PAFAH1B2: variants seen among roughly 807,000 people sequenced by gnomAD.
The protein encoded by PAFAH1B2 is platelet activating factor acetylhydrolase 1b catalytic subunit 2.
A neutral mutation model predicts 28.0 loss-of-function variants in PAFAH1B2; 8 were observed. That is an observed-to-expected ratio of 0.29 (90% CI 0.17 to 0.52). PAFAH1B2 has a LOEUF of 0.52. Among genes scored for constraint, PAFAH1B2 ranks in the 20% least tolerant of loss-of-function variants. The pLI is 0.97. For missense variants in PAFAH1B2, 190 were observed against 282.6 expected (o/e 0.67, Z 2.35); for synonymous variants, 104 against 103.2 (o/e 1.01, Z -0.05).
At chr11:117,164,087 T>G (rs1591749264) in intron 5 of PAFAH1B2, 195 bp downstream of exon 5, 2 of 522,086 alleles carry the variant, frequency 3.8e-6, no homozygotes, top group East Asian at 6.7e-5. Context: ...TGGGGCCATC[T>G]TTTATCCACG....
At chr11:117,175,946 A>G (rs2029955788), downstream of PAFAH1B2, 1 of 1,533,644 alleles carries the variant, frequency 6.5e-7, no homozygotes, top group Non-Finnish European at 8.7e-7. Context: ...CATGAAAGAA[A>G]AGTCCAGATG....
chr11:117,156,674 T>C (rs1403005693), intron 2 of PAFAH1B2, among the ~76,000 whole-genome samples: 1 of 152,150 alleles, frequency 6.6e-6, no homozygotes, highest in Admixed American at 6.6e-5. Flanking sequence ...ACCTTTAGCA[T>C]AGCAGTCTTA....
At chr11:117,159,885 C>G (rs367653404) in intron 2 of PAFAH1B2, 49 bp from the exon 3 acceptor site, 2 of 1,377,802 alleles carry the variant, frequency 1.5e-6, no homozygotes, top group Non-Finnish European at 2.1e-6. Flanking sequence ...GCCACCACAC[C>G]CAGCCAGAAG....
At position 117,167,768 on chromosome 11, in the gene PAFAH1B2, CCTT is replaced by C. The variant is rs1956545876; in HGVS notation, c.*72_*74del. On this transcript the variant is annotated 3_prime_UTR_variant, in exon 6 of 6. Transcript: ENST00000527958. Reference sequence around the variant, plus strand: ...AGTTCTATCACTGGCACTACAGAATCCTTCTCTTTCTTAAGGCACTTTGCATTG... The same window carrying C: ...AGTTCTATCACTGGCACTACAGAATCCTCTTTCTTAAGGCACTTTGCATTG... The C allele has an allele frequency of 7.2e-7, 1 of 1,395,182 alleles. No homozygotes were observed. Among genetic ancestry groups the C allele is most frequent in the Non-Finnish European group, 9.4e-7 (1 of 1,068,108 alleles). 86.4% of individuals were successfully genotyped at this position (1,395,182 alleles called of 1,614,324 possible).
rs767434171 is a variant in PAFAH1B2 at position 117,170,368 on chromosome 11, A to C, written c.*2669A>C. The C allele has an allele frequency of 9.4e-6, 10 of 1,059,586 alleles. No individual in the cohort carries two copies. Among genetic ancestry groups the C allele is most frequent in the Non-Finnish European group, 1.0e-5 (9 of 876,900 alleles). 65.6% of individuals were successfully genotyped at this position (1,059,586 alleles called of 1,614,324 possible). A position where few individuals can be genotyped will look rare whatever the true frequency, so the allele number is the denominator to read the frequency against. ...ATTCCTGCTATACTAGATGGCAGCC[A>C]GTGATGGAACTATAAAGATGTCTGT... On this transcript the variant is annotated 3_prime_UTR_variant, in exon 6 of 6. Transcript: ENST00000527958.
intron 2 of PAFAH1B2, among the ~76,000 whole-genome samples, chr11:117,155,371 A>G (rs532961110): frequency 6.6e-6 from 1 of 152,370 alleles, no homozygotes; most frequent in Non-Finnish European, 1.5e-5. Flanking sequence ...AAATAAACGC[A>G]GTAAATATTA....
At chr11:117,149,440 T>TTTTTTTTTTTTTTTTTTA (rs1490691329) in intron 1 of PAFAH1B2, among the ~76,000 whole-genome samples, 1 of 132,074 alleles carries the variant, frequency 7.6e-6, no homozygotes, top group South Asian at 2.4e-4. Context: ...GTTTTTTTTT[T>TTTTTTTTTTTTTTTTTTA]TTTTGAGATG....
chr11:117,158,459 G>A (rs74499000), intron 2 of PAFAH1B2, among the ~76,000 whole-genome samples: 2,151 of 152,140 alleles, frequency 0.014, 45 homozygotes, highest in African/African-American at 0.046. Context: ...CTAGTTTGCC[G>A]GTGTCTCACA....
At chr11:117,171,179 C>A, downstream of PAFAH1B2, 2 of 546,284 alleles carry the variant, frequency 3.7e-6, no homozygotes, top group Non-Finnish European at 4.8e-6. Context: ...ACTGAATGCA[C>A]CAGGCTGACT....
At chr11:117,144,956 C>T (rs867417972) in intron 1 of PAFAH1B2, among the ~76,000 whole-genome samples, 4 of 152,340 alleles carry the variant, frequency 2.6e-5, no homozygotes, top group Admixed American at 6.5e-5. Context: ...GAGCACTTTT[C>T]CCTCCTCCTT....
Position 117,168,150 on chromosome 11 carries a change from T to C in PAFAH1B2, c.*451T>C. ...AGGTTCATAATTTAGCCTTTTGTTT[T>C]TATGTTGCTTAGATTCTTATGTATA... On this transcript the variant is annotated 3_prime_UTR_variant, in exon 6 of 6. Transcript: ENST00000527958. The C allele has an allele frequency of 9.5e-7, 1 of 1,052,206 alleles. No homozygotes were observed. Among genetic ancestry groups the C allele is most frequent in the Non-Finnish European group, 1.2e-6 (1 of 869,462 alleles). 65.2% of individuals were successfully genotyped at this position (1,052,206 alleles called of 1,614,324 possible).
At chr11:117,174,299 T>C (rs1010354036), downstream of PAFAH1B2, among the ~76,000 whole-genome samples, 1 of 151,556 alleles carries the variant, frequency 6.6e-6, no homozygotes, top group Admixed American at 6.6e-5. Context: ...TTCTCCTGCC[T>C]CAGCCTCCCG....
downstream of PAFAH1B2, chr11:117,171,747 G>A (rs1430108752): frequency 3.3e-6 from 5 of 1,535,206 alleles, no homozygotes; most frequent in Admixed American, 5.9e-5. Flanking sequence ...CAATATTACA[G>A]TGAGTTGGTA....
rs559422118 is a variant in PAFAH1B2, at chr11:117,147,756, T to G, written c.-8+3338T>G. Among the ~76,000 whole-genome samples, 4 of 152,344 alleles carry G rather than the reference T, an allele frequency of 2.6e-5. No homozygotes were observed. The East Asian group carries it at 7.7e-4, about 29-fold the overall frequency. On this transcript the variant is annotated intron_variant, in intron 1 of 5. Transcript: ENST00000527958. ...AGAAACACATTTCTGCTCAGATACT[T>G]TGCCATTGTAGGGGAAGAAGGATCA...
At chr11:117,165,631 G>T (rs768655020) in intron 5 of PAFAH1B2, among the ~76,000 whole-genome samples, 17 of 152,156 alleles carry the variant, frequency 1.1e-4, no homozygotes, top group Non-Finnish European at 2.2e-4. Flanking sequence ...AGGTGAAAAC[G>T]TGTTTAACAA....
At chr11:117,171,517 C>CAGGCTGGGCAACAGACA, downstream of PAFAH1B2, 1 of 580,948 alleles carries the variant, frequency 1.7e-6, no homozygotes, top group East Asian at 2.8e-5. Flanking sequence ...GCCTGGGCAA[C>CAGGCTGGGCAACAGACA]AGAGCGAGAC....
chr11:117,161,086 C>A, intron 3 of PAFAH1B2, 59 bp from the exon 4 acceptor site: 2 of 1,055,842 alleles, frequency 1.9e-6, no homozygotes, highest in South Asian at 1.4e-5. Context: ...ACATTGCAGT[C>A]GAAAGATTAA....
downstream of PAFAH1B2, among the ~76,000 whole-genome samples, chr11:117,172,883 T>C (rs562427384): frequency 6.6e-6 from 1 of 152,188 alleles, no homozygotes; most frequent in Non-Finnish European, 1.5e-5. Context: ...TTTGTGTTTT[T>C]AGTAGAGACA....
At chr11:117,148,048 T>G (rs539030095) in intron 1 of PAFAH1B2, among the ~76,000 whole-genome samples, 195 of 145,482 alleles carry the variant, frequency 1.3e-3, no homozygotes, top group Non-Finnish European at 2.1e-3. Context: ...CTTTTTTCTT[T>G]TTTTTTTCTT....
Sources: gnomAD v4.1 joint callset for allele counts (sites outside exome capture counted in the v4.1 genomes callset) on GRCh38, gnomAD v4.1.1 for gene constraint, MANE v1.5 for transcripts, NCBI Gene and HGNC (gene_info 2026-07-23, HGNC 2026-07-21) for gene names.